MID1: variants seen among roughly 807,000 people sequenced by gnomAD.
The protein encoded by MID1 is E3 ubiquitin-protein ligase Midline-1.
A neutral mutation model predicts 40.4 loss-of-function variants in MID1; 7 were observed. The ratio of observed to expected loss-of-function variants is 0.17; its 90% CI spans 0.10 to 0.33. MID1 has a LOEUF of 0.33. Among genes scored for constraint, MID1 ranks in the 10% least tolerant of loss-of-function variants. MID1 has a pLI of 1.00. For missense variants in MID1, 367 were observed against 558.5 expected (o/e 0.66, Z 3.46); for synonymous variants, 229 against 221.2 (o/e 1.04, Z -0.31).
chrX:10,671,012 A>T (rs1302348258), intron 1 of MID1, among the ~76,000 whole-genome samples: 3 of 111,614 alleles, frequency 2.7e-5, no homozygotes, highest in Non-Finnish European at 5.6e-5. Context: ...ACTTTCTCCA[A>T]TTTTGCCCTG....
At chrX:10,744,295 G>A (rs1345148832) in intron 1 of MID1, among the ~76,000 whole-genome samples, 1 of 112,247 alleles carries the variant, frequency 8.9e-6, no homozygotes, top group East Asian at 2.8e-4. Context: ...GGTGCCCTGA[G>A]GGAAAAGGCA....
intron 2 of MID1, among the ~76,000 whole-genome samples, chrX:10,558,882 G>A (rs752477306): frequency 8.9e-6 from 1 of 112,385 alleles, no homozygotes; most frequent in East Asian, 2.8e-4. Flanking sequence ...ACTTGTTTGT[G>A]CATTTTTCGA....
chrX:10,613,732 T>TATATATATATATAGAGAGAGAG (rs1482081086), intron 1 of MID1, among the ~76,000 whole-genome samples: 2 of 17,480 alleles, frequency 1.1e-4, no homozygotes, highest in Non-Finnish European at 2.2e-4. Flanking sequence ...TATATATATA[T>TATATATATATATAGAGAGAGAG]AGAGAGAGAG....
chrX:10,534,202 T>A (rs894517583), intron 2 of MID1, among the ~76,000 whole-genome samples: 2 of 111,796 alleles, frequency 1.8e-5, no homozygotes, highest in Non-Finnish European at 3.8e-5. Context: ...TCTTCCATCT[T>A]AAGTAGATGA....
intron 1 of MID1, among the ~76,000 whole-genome samples, chrX:10,725,375 T>C (rs1002591849): frequency 8.0e-5 from 9 of 112,116 alleles, no homozygotes; most frequent in Middle Eastern, 4.6e-3. Context: ...CACAATAGTA[T>C]TCTCTAAGAT....
intron 2 of MID1, among the ~76,000 whole-genome samples, chrX:10,545,113 C>A (rs1311529679): frequency 1.8e-5 from 2 of 110,974 alleles, no homozygotes; most frequent in African/African-American, 6.6e-5. Context: ...CAGGCACATA[C>A]CACCATGCTG....
At position 10,447,512 on chromosome X, in the gene MID1, C is replaced by T. The variant is rs1928090252; in HGVS notation, c.*1856G>A. On this transcript the variant is annotated 3_prime_UTR_variant, in exon 10 of 10. Transcript: ENST00000317552. The stretch of plus-strand genomic sequence containing the variant: ...TCAGTTTACTCAGAGAAGGCAAACA[C>T]ACATTGCTTTTATATTGTAATAAAA... 8.9e-6 allele frequency: 1 copy of T among 111,949 alleles called. No individual in the cohort carries two copies. The highest frequency in any genetic ancestry group is 3.2e-5 in the African/African-American group (1 of 30,819). The allele number at this position is 111,949 out of a possible 1,213,427, so 9.2% of individuals were successfully genotyped here.
At chrX:10,455,712 T>G (rs1211671696) in intron 8 of MID1, among the ~76,000 whole-genome samples, 1 of 112,064 alleles carries the variant, frequency 8.9e-6, no homozygotes, top group Non-Finnish European at 1.9e-5. Flanking sequence ...TATTAAAAAT[T>G]AAAGCATTAC....
chrX:10,629,363 AT>A (rs371326256), intron 1 of MID1, among the ~76,000 whole-genome samples: 17 of 105,067 alleles, frequency 1.6e-4, no homozygotes, highest in African/African-American at 3.8e-4. Context: ...ATGCCTGGCT[AT>A]TTTTTTTTTC....
chrX:10,511,245 C>CAA (rs769971922), intron 3 of MID1, among the ~76,000 whole-genome samples: 10 of 52,787 alleles, frequency 1.9e-4, no homozygotes, highest in African/African-American at 6.1e-4. Flanking sequence ...GACTCCATCT[C>CAA]AAAAAAAAAA....
Position 10,449,562 on chromosome X carries a change from C to A in MID1, c.1810G>T (p.Val604Leu), listed in dbSNP as rs1033237113. 24 of 1,211,705 alleles carry A rather than the reference C, an allele frequency of 2.0e-5. No homozygotes were observed. Among genetic ancestry groups the A allele is most frequent in the Non-Finnish European group, 2.6e-5 (23 of 895,517 alleles). ...TTATCATAGTCCAGCAGGATGCCCA[C>A]GCGCCGGAGGTGGGGGGCAGGCTCA... ...PIEPAPHLRR[V>L]GILLDYDNGS... Residue 604 changes from valine to leucine, a missense_variant, in exon 10 of 10, where the codon GTG becomes TTG. Physicochemically the swap from Val to Leu is conservative, Grantham distance 32. Transcript: ENST00000317552.
intron 5 of MID1, among the ~76,000 whole-genome samples, chrX:10,475,950 G>A (rs1929983585): frequency 9.0e-6 from 1 of 111,335 alleles, no homozygotes; most frequent in East Asian, 2.8e-4. Flanking sequence ...GGCTCTTAAA[G>A]CTTTGGATTT....
At chrX:10,596,944 A>G (rs1398716381) in intron 1 of MID1, among the ~76,000 whole-genome samples, 1 of 111,300 alleles carries the variant, frequency 9.0e-6, no homozygotes, top group East Asian at 2.8e-4. Flanking sequence ...CTAGAGATCT[A>G]AAGGAGTCAT....
chrX:10,804,531 G>T (rs774764515), intron 1 of MID1, among the ~76,000 whole-genome samples: 1 of 111,555 alleles, frequency 9.0e-6, no homozygotes, highest in African/African-American at 3.3e-5. Flanking sequence ...GTATCTTTAC[G>T]TTTCCCTAGA....
At chrX:10,765,221 T>A (rs2043712213) in intron 1 of MID1, among the ~76,000 whole-genome samples, 1 of 112,262 alleles carries the variant, frequency 8.9e-6, no homozygotes, top group African/African-American at 3.2e-5. Flanking sequence ...CATGATAGCA[T>A]TAAGCCTTCT....
chrX:10,675,046 G>T (rs2043013617), intron 1 of MID1, among the ~76,000 whole-genome samples: 1 of 111,979 alleles, frequency 8.9e-6, no homozygotes, highest in South Asian at 3.7e-4. Context: ...TGTTATTAAT[G>T]AAATAAATGG....
intron 1 of MID1, among the ~76,000 whole-genome samples, chrX:10,681,418 C>T (rs116764402): frequency 0.081 from 9,025 of 111,618 alleles, 744 homozygotes; most frequent in African/African-American, 0.25. Flanking sequence ...TCTGGAGACT[C>T]GCTCATTGCG....
At chrX:10,464,363 G>T (rs1000199868) in intron 7 of MID1, among the ~76,000 whole-genome samples, 1 of 112,012 alleles carries the variant, frequency 8.9e-6, no homozygotes, top group Non-Finnish European at 1.9e-5. Context: ...TTAGCCAAGT[G>T]AGAAACCCTA....
At chrX:10,614,591 G>C (rs964966136) in intron 1 of MID1, among the ~76,000 whole-genome samples, 3 of 111,982 alleles carry the variant, frequency 2.7e-5, no homozygotes, top group African/African-American at 9.8e-5. Flanking sequence ...ATGTGGTAGA[G>C]ACCATTGACT....
Sources: gnomAD v4.1 joint callset for allele counts (sites outside exome capture counted in the v4.1 genomes callset) on GRCh38, gnomAD v4.1.1 for gene constraint, MANE v1.5 for transcripts, NCBI Gene and HGNC (gene_info 2026-07-23, HGNC 2026-07-21) for gene names.